The following ARHGAP12 variants were observed in gnomAD, a reference collection of about 807,000 sequenced individuals.
ARHGAP12 encodes Rho GTPase activating protein 12.
ARHGAP12 carries 64 observed loss-of-function variants against 108.6 expected under a neutral mutation model. The ratio of observed to expected loss-of-function variants is 0.59; its 90% confidence interval spans 0.48 to 0.73. The LOEUF (loss-of-function observed/expected upper bound fraction) is 0.73, where lower values mean the gene tolerates loss of function less well. ARHGAP12 is among the 30% of genes least tolerant of loss of function. The pLI is 0.00. For synonymous variants in ARHGAP12, 312 were observed against 337.2 expected (o/e 0.93, Z 0.82); for missense variants, 940 against 1,005.9 (o/e 0.93, Z 0.89).
chr10:31,927,498 T>C (rs1840099279), intron 1 of ARHGAP12, among the ~76,000 whole-genome samples: 1 of 152,146 alleles, frequency 6.6e-6, no homozygotes, highest in Non-Finnish European at 1.5e-5. Flanking sequence ...CGAGTGAGCC[T>C]TCCTTCCTCC....
intron 1 of ARHGAP12, among the ~76,000 whole-genome samples, chr10:31,916,176 T>A (rs1839547715): frequency 6.6e-6 from 1 of 152,086 alleles, no homozygotes; most frequent in African/African-American, 2.4e-5. Flanking sequence ...TCCCAAACAC[T>A]TACAACTACT....
intron 3 of ARHGAP12, among the ~76,000 whole-genome samples, chr10:31,881,148 TAAAAAA>T (rs917225805): frequency 3.5e-5 from 5 of 142,486 alleles, no homozygotes; most frequent in Non-Finnish European, 7.7e-5. Context: ...ATGAGTTCCT[TAAAAAA>T]AAAAGAAAAA....
chr10:31,820,722 A>T lies in ARHGAP12; in HGVS notation c.1531-234T>A, dbSNP rs1282109729. Among the ~76,000 whole-genome samples, 190 of 148,210 alleles carry T rather than the reference A, an allele frequency of 1.3e-3. 1 individual carries two copies. Among genetic ancestry groups the T allele is most frequent in the African/African-American group, 4.6e-3 (186 of 40,878 alleles). On this transcript the variant is annotated intron_variant, in intron 11 of 19. Coordinates refer to ENST00000344936, the MANE Select transcript of ARHGAP12 (RefSeq NM_018287.7). ...TCAACTTCCATCATATTATATATAT[A>T]TATATATATATATATAAAGCCAAAC...
At position 31,807,716 on chromosome 10, in the gene ARHGAP12, TAC is replaced by T. The variant is rs1221930741; in HGVS notation, c.2481_2482del (p.Tyr828ProfsTer51). 1 of 1,607,030 alleles carries T rather than the reference TAC, an allele frequency of 6.2e-7. No individual in the cohort carries two copies. ...AATTAATTCTACAATCTGATTCTGG[TAC>T]ACAGTATGAACTGCTATATTACCAG... is the stretch of plus-strand genomic sequence containing the variant. On this transcript the variant is annotated frameshift_variant, in exon 20 of 20. Coordinates refer to ENST00000344936, the MANE Select transcript of ARHGAP12 (RefSeq NM_018287.7). LOFTEE classifies it high-confidence loss of function.
intron 3 of ARHGAP12, among the ~76,000 whole-genome samples, chr10:31,866,501 A>C (rs766593434): frequency 2.6e-5 from 4 of 152,180 alleles, no homozygotes; most frequent in Non-Finnish European, 5.9e-5. Context: ...CAGCAAGGGG[A>C]AATCCAGAGT....
intron 13 of ARHGAP12, 38 bp downstream of exon 13, chr10:31,817,750 G>T: frequency 7.4e-7 from 1 of 1,358,588 alleles, no homozygotes; most frequent in Non-Finnish European, 1.0e-6. Flanking sequence ...AAGAAAAACA[G>T]CTCTGAAGTA....
chr10:31,887,515 T>C (rs943099229), intron 3 of ARHGAP12, among the ~76,000 whole-genome samples: 1 of 152,220 alleles, frequency 6.6e-6, no homozygotes, highest in African/African-American at 2.4e-5. Context: ...GGTTATTTAC[T>C]ACATTATCTG....
intron 1 of ARHGAP12, among the ~76,000 whole-genome samples, chr10:31,917,445 A>C (rs1839610690): frequency 6.6e-6 from 1 of 152,208 alleles, no homozygotes; most frequent in Non-Finnish European, 1.5e-5. Context: ...CCTAGTCTTT[A>C]TAAAAGTTCA....
At chr10:31,837,619 C>T (rs1037643282) in intron 9 of ARHGAP12, among the ~76,000 whole-genome samples, 2 of 152,182 alleles carry the variant, frequency 1.3e-5, no homozygotes, top group African/African-American at 4.8e-5. Context: ...GCAAGGCCCA[C>T]TCTAGGCAGG....
chr10:31,846,679 T>C (rs964747962), intron 6 of ARHGAP12, among the ~76,000 whole-genome samples: 7 of 152,274 alleles, frequency 4.6e-5, no homozygotes, highest in Admixed American at 3.3e-4. Context: ...AAATTTTGAA[T>C]ACAATGAGCC....
At chr10:31,879,544 C>A (rs947815350) in intron 3 of ARHGAP12, among the ~76,000 whole-genome samples, 1 of 152,058 alleles carries the variant, frequency 6.6e-6, no homozygotes, top group Admixed American at 6.5e-5. Flanking sequence ...AGACAAAATA[C>A]AGAATTTCTA....
chr10:31,852,067 T>A (rs886626374), intron 6 of ARHGAP12, among the ~76,000 whole-genome samples: 1 of 152,176 alleles, frequency 6.6e-6, no homozygotes, highest in Non-Finnish European at 1.5e-5. Flanking sequence ...TCTTATCACA[T>A]GTTGCCTATA....
At chr10:31,849,319 T>C (rs999851553) in intron 6 of ARHGAP12, among the ~76,000 whole-genome samples, 9 of 152,186 alleles carry the variant, frequency 5.9e-5, no homozygotes, top group African/African-American at 1.4e-4. Context: ...TATTTATGTA[T>C]ACATTCTTTT....
At chr10:31,917,412 TA>T (rs978351523) in intron 1 of ARHGAP12, among the ~76,000 whole-genome samples, 1 of 151,822 alleles carries the variant, frequency 6.6e-6, no homozygotes, top group Non-Finnish European at 1.5e-5. Context: ...CTCAAAAAAA[TA>T]AAAAAGAAAA....
chr10:31,918,041 A>C (rs958446095), intron 1 of ARHGAP12, among the ~76,000 whole-genome samples: 1 of 151,750 alleles, frequency 6.6e-6, no homozygotes, highest in Non-Finnish European at 1.5e-5. Flanking sequence ...CTGCAGCCTT[A>C]AACTCCTGGG....
chr10:31,807,808 A>C lies in ARHGAP12; in HGVS notation c.2391T>G (p.Asn797Lys). The change falls in exon 20 of 20, where the codon AAT becomes AAG. Residue 797 changes from asparagine (N) to lysine (K), a missense_variant. Coordinates refer to ENST00000344936, the MANE Select transcript of ARHGAP12 (RefSeq NM_018287.7). ...LRRVIENGEK[N>K]RMTYQSIAIV... ...TTGCTATACTCTGATAGGTCATTCGATTTTTCTCTCCATTTTCTATAACTC... is the reference window on the plus strand; with the variant it reads ...TTGCTATACTCTGATAGGTCATTCGCTTTTTCTCTCCATTTTCTATAACTC... 1 of 1,535,530 alleles carries C rather than the reference A, an allele frequency of 6.5e-7. No individual in the cohort carries two copies. The highest frequency in any genetic ancestry group is 1.3e-5 in the South Asian group (1 of 76,804).
chr10:31,833,126 A>G (rs964294415), intron 9 of ARHGAP12, among the ~76,000 whole-genome samples: 3 of 152,106 alleles, frequency 2.0e-5, no homozygotes, highest in East Asian at 1.9e-4. Flanking sequence ...AGGCAGCTGC[A>G]TAAGATGTTA....
chr10:31,849,049 C>A (rs1337828767), intron 6 of ARHGAP12, among the ~76,000 whole-genome samples: 1 of 150,734 alleles, frequency 6.6e-6, no homozygotes, highest in Admixed American at 6.6e-5. Context: ...CAGAGCGAGA[C>A]TCGTCTTTAA....
intron 3 of ARHGAP12, among the ~76,000 whole-genome samples, chr10:31,888,733 AAG>A (rs1382283850): frequency 1.3e-5 from 2 of 152,240 alleles, no homozygotes; most frequent in Non-Finnish European, 2.9e-5. Context: ...AGCAGAAAAA[AAG>A]AGTAAATATA....
Sources: allele counts gnomAD v4.1 joint callset (sites outside exome capture counted in the v4.1 genomes callset), GRCh38; gene constraint gnomAD v4.1.1; transcripts MANE v1.5; gene names NCBI Gene and HGNC (gene_info 2026-07-23, HGNC 2026-07-21).